CRYBG1: variants seen among roughly 807,000 people sequenced by gnomAD.
The protein encoded by CRYBG1 is beta/gamma crystallin domain-containing protein 1.
A neutral mutation model predicts 189.2 loss-of-function variants in CRYBG1; 139 were observed. The ratio of observed to expected loss-of-function variants is 0.73; its 90% CI spans 0.64 to 0.85. The LOEUF (loss-of-function observed/expected upper bound fraction) is 0.85. Ranked by LOEUF, CRYBG1 falls within the 40% of genes least tolerant of loss-of-function variation. The probability of loss-of-function intolerance (pLI) is 0.00; values close to 1 mark genes in which losing one functional copy is unlikely to be tolerated. For synonymous variants in CRYBG1, 1,023 were observed against 1,017.1 expected (o/e 1.01, Z -0.11); for missense variants, 2,611 against 2,675.8 (o/e 0.98, Z 0.53).
At position 106,571,006 on chromosome 6, in the gene CRYBG1, A is replaced by G. The variant is rs370144160; in HGVS notation, c.*2440A>G. ...GTGCACACTGCAATGGGTTGATTGG[A>G]GAGATATCTAAATGTAAACATTTGA... On this transcript the variant is annotated 3_prime_UTR_variant, in exon 22 of 22. Coordinates refer to ENST00000633556, the MANE Select transcript of CRYBG1 (RefSeq NM_001371242.2). 7.6e-4 allele frequency: 116 copies of G among 152,356 alleles called. No homozygotes were observed. The highest frequency in any genetic ancestry group is 2.8e-3 in the African/African-American group (115 of 41,582). The allele number at this position is 152,356 out of a possible 1,614,324, so 9.4% of individuals were successfully genotyped here.
intron 2 of CRYBG1, among the ~76,000 whole-genome samples, chr6:106,467,045 T>C (rs9320167): frequency 0.084 from 12,856 of 152,220 alleles, 712 homozygotes; most frequent in East Asian, 0.22. Context: ...TGTATTAAGA[T>C]AGAGGCTGTT....
intron 1 of CRYBG1, among the ~76,000 whole-genome samples, chr6:106,422,056 G>A (rs923747140): frequency 2.6e-5 from 4 of 152,110 alleles, no homozygotes; most frequent in African/African-American, 9.7e-5. Context: ...AATTTGGGTG[G>A]GGACACAGAG....
Position 106,500,426 on chromosome 6 carries a change from A to C in CRYBG1, c.313-11004A>C, listed in dbSNP as rs557483849. Among the ~76,000 whole-genome samples the C allele has an allele frequency of 5.1e-4, 49 of 96,588 alleles. No homozygotes were observed. The East Asian group carries it at 9.3e-3, about 18-fold the overall frequency. 63.4% of individuals were successfully genotyped at this position (96,588 alleles called of 152,430 possible). ...TGAACAGTGATGTTGAGCACTAAAA[A>C]AAAAAACAAAAAAAAAAACCTCTTG... On this transcript the variant is annotated intron_variant, in intron 2 of 21. Coordinates refer to ENST00000633556, the MANE Select transcript of CRYBG1 (RefSeq NM_001371242.2).
rs1175029919 is a variant in CRYBG1 at position 106,512,743 on chromosome 6, C to A, written c.1626C>A (p.Pro542=). The part of the protein sequence containing the change: ...GPRAPAKESP[P]KRVPDPSPVT... ...GGGCTCCCGCCAAGGAGTCCCCACC[C>A]AAGAGGGTGCCCGATCCCAGCCCAG... is the stretch of plus-strand genomic sequence containing the variant. Residue 542 remains proline, a synonymous_variant, in exon 3 of 22, where the codon CCC becomes CCA. Coordinates refer to ENST00000633556, the MANE Select transcript of CRYBG1 (RefSeq NM_001371242.2). 5.7e-6 allele frequency: 9 copies of A among 1,570,662 alleles called. No individual in the cohort carries two copies. Among genetic ancestry groups the A allele is most frequent in the African/African-American group, 1.4e-5 (1 of 73,914 alleles).
intron 1 of CRYBG1, among the ~76,000 whole-genome samples, chr6:106,400,101 A>G (rs1269231207): frequency 7.1e-6 from 1 of 141,716 alleles, no homozygotes; most frequent in Non-Finnish European, 1.5e-5. Flanking sequence ...GTGGCACTGC[A>G]CTCCAGCCTG....
chr6:106,539,525 A>G lies in CRYBG1; in HGVS notation c.4841A>G (p.Lys1614Arg). 6.2e-7 allele frequency: 1 copy of G among 1,608,794 alleles called. No individual in the cohort carries two copies. The highest frequency in any genetic ancestry group is 8.5e-7 in the Non-Finnish European group (1 of 1,177,766). Residue 1614 changes from lysine to arginine, a missense_variant, in exon 9 of 22, where the codon AAA becomes AGA. By Grantham distance (26) the Lys-to-Arg change is conservative. Transcript: ENST00000633556. ...TACATTGGATCCATGCGGCCTCTGA[A>G]AATGGTAAAAATGAAATCCAAATGT... The part of the protein sequence containing the change: ...EAYIGSMRPL[K>R]MGGRKVEFPT...
At chr6:106,474,349 TATAATA>T (rs1383993740) in intron 2 of CRYBG1, among the ~76,000 whole-genome samples, 3 of 152,166 alleles carry the variant, frequency 2.0e-5, no homozygotes, top group East Asian at 3.8e-4. Context: ...GTCTCTAAAA[TATAATA>T]ATAATAATCA....
At chr6:106,382,085 G>A (rs373423683) in intron 1 of CRYBG1, among the ~76,000 whole-genome samples, 2 of 152,112 alleles carry the variant, frequency 1.3e-5, no homozygotes, top group African/African-American at 2.4e-5. Flanking sequence ...CTAAACAAAG[G>A]CATGCAACAG....
intron 2 of CRYBG1, among the ~76,000 whole-genome samples, chr6:106,483,766 T>G (rs1043741238): frequency 1.3e-5 from 2 of 152,192 alleles, no homozygotes; most frequent in Admixed American, 6.5e-5. Flanking sequence ...CTCTGATGAA[T>G]AGCAATGTTG....
intron 2 of CRYBG1, among the ~76,000 whole-genome samples, chr6:106,503,578 G>A (rs559529391): frequency 1.3e-5 from 2 of 152,164 alleles, no homozygotes; most frequent in South Asian, 4.1e-4. Context: ...GATTCTACAG[G>A]CCACAGGTTG....
chr6:106,532,641 C>T (rs1033238853), intron 8 of CRYBG1, among the ~76,000 whole-genome samples: 1 of 152,152 alleles, frequency 6.6e-6, no homozygotes, highest in African/African-American at 2.4e-5. Context: ...TTTTGATTTG[C>T]ATTTCCCTGA....
chr6:106,507,391 T>A (rs545327660), intron 2 of CRYBG1, among the ~76,000 whole-genome samples: 167 of 152,062 alleles, frequency 1.1e-3, no homozygotes, highest in African/African-American at 4.0e-3. Flanking sequence ...AAAAGGTAAA[T>A]ACAAAGGAGG....
intron 3 of CRYBG1, among the ~76,000 whole-genome samples, chr6:106,517,775 A>G (rs1175605680): frequency 6.6e-6 from 1 of 152,136 alleles, no homozygotes; most frequent in African/African-American, 2.4e-5. Flanking sequence ...GAGGTAAAGT[A>G]ACTTGACCAG....
intron 13 of CRYBG1, among the ~76,000 whole-genome samples, chr6:106,547,486 G>A (rs1253026579): frequency 6.6e-6 from 1 of 152,188 alleles, no homozygotes; most frequent in East Asian, 1.9e-4. Flanking sequence ...TGTGGAGGAG[G>A]TGGCATTGGA....
intron 13 of CRYBG1, among the ~76,000 whole-genome samples, chr6:106,548,831 G>T (rs1430214503): frequency 2.8e-4 from 42 of 151,168 alleles, no homozygotes; most frequent in Non-Finnish European, 8.8e-5. Flanking sequence ...CCATGTTGGT[G>T]TGCTGCACCC....
chr6:106,472,950 A>G (rs1235115755), intron 2 of CRYBG1, among the ~76,000 whole-genome samples: 1 of 151,584 alleles, frequency 6.6e-6, no homozygotes, highest in Non-Finnish European at 1.5e-5. Flanking sequence ...TTATTACAGT[A>G]AATTATCATT....
At position 106,561,500 on chromosome 6, in the gene CRYBG1, G is replaced by T. The variant is rs866002427; in HGVS notation, c.6138G>T (p.Arg2046Ser). Residue 2046 changes from arginine to serine, a missense_variant and splice_region_variant, in exon 20 of 22, where the codon AGG (arginine) becomes AGT (serine). By Grantham distance (110) the Arg-to-Ser change is moderately radical. Coordinates refer to ENST00000633556, the MANE Select transcript of CRYBG1 (RefSeq NM_001371242.2). ...ATCAAGAAGGATGTATCAAATGCAG[G>T]GTGAGCTTTAGGATTCCACGGGGGC... The part of the protein sequence containing the change: ...WIYQEGCIKC[R>S]IAEDCCLTIV... 20 of 1,610,782 alleles carry T rather than the reference G, an allele frequency of 1.2e-5. No homozygotes were observed. Among genetic ancestry groups the T allele is most frequent in the Non-Finnish European group, 1.7e-5 (20 of 1,177,960 alleles).
intron 1 of CRYBG1, among the ~76,000 whole-genome samples, chr6:106,371,012 C>T (rs1305120444): frequency 6.6e-6 from 1 of 152,034 alleles, no homozygotes; most frequent in Non-Finnish European, 1.5e-5. Context: ...TAAAAAAAGC[C>T]AACAAAAATA....
Position 106,519,517 on chromosome 6 carries a change from A to G in CRYBG1, c.2309A>G (p.Asp770Gly). ...CCAGCAACCAGAGGAATGAATGGAG[A>G]CTCTTCTGAGAATCAAGCTCTTGGT... is the stretch of plus-strand genomic sequence containing the variant. The part of the protein sequence containing the change: ...ILPATRGMNG[D>G]SSENQALGPQ... Residue 770 changes from aspartate to glycine, a missense_variant, in exon 4 of 22, where the codon GAC (aspartate) becomes GGC (glycine). By Grantham distance (94) the Asp-to-Gly change is moderately conservative. This residue lies in a region of CRYBG1 where 1,622 missense variants were observed against 1,735.0 expected (regional missense o/e 0.93). Coordinates refer to ENST00000633556, the MANE Select transcript of CRYBG1 (RefSeq NM_001371242.2). 2 of 1,614,056 alleles carry G rather than the reference A, an allele frequency of 1.2e-6. No individual in the cohort carries two copies. Among genetic ancestry groups the G allele is most frequent in the Non-Finnish European group, 1.7e-6 (2 of 1,179,970 alleles).
Sources: allele counts gnomAD v4.1 joint callset (sites outside exome capture counted in the v4.1 genomes callset), GRCh38; gene constraint gnomAD v4.1.1; regional missense constraint gnomAD v4.1.1; transcripts MANE v1.5; gene names NCBI Gene and HGNC (gene_info 2026-07-23, HGNC 2026-07-21).